The following SMOC1 variants were observed in gnomAD, a reference collection of about 807,000 sequenced individuals.
The protein encoded by SMOC1 is SPARC-related modular calcium-binding protein 1.
In SMOC1, 22 loss-of-function variants were observed where a neutral mutation model predicts 56.3. The observed-to-expected ratio is 0.39, with a 90% CI of 0.28 to 0.56. SMOC1 has a LOEUF of 0.56. SMOC1 is among the 20% of genes least tolerant of loss of function. The pLI is 0.61. For missense variants in SMOC1, 509 were observed against 565.4 expected, an observed-to-expected ratio of 0.90 and a Z score of 1.01; for synonymous variants, 193 against 215.0, an observed-to-expected ratio of 0.90 and a Z score of 0.89.
chr14:70,028,632 G>A (rs1219275080), intron 11 of SMOC1, among the ~76,000 whole-genome samples: 1 of 152,228 alleles, frequency 6.6e-6, no homozygotes, highest in Non-Finnish European at 1.5e-5. Context: ...TGGTGGGCAG[G>A]ACTGCTGTGC....
At chr14:69,898,354 C>T (rs566551132) in intron 1 of SMOC1, among the ~76,000 whole-genome samples, 1 of 152,242 alleles carries the variant, frequency 6.6e-6, no homozygotes, top group African/African-American at 2.4e-5. Context: ...TTCTCAGTCA[C>T]TATTGCTTCA....
intron 1 of SMOC1, among the ~76,000 whole-genome samples, chr14:69,916,122 T>C (rs1884680015): frequency 6.6e-6 from 1 of 152,224 alleles, no homozygotes; most frequent in African/African-American, 2.4e-5. Context: ...AGATTTTCCC[T>C]ACCAACCTTA....
intron 3 of SMOC1, among the ~76,000 whole-genome samples, chr14:69,956,146 A>G (rs1366655381): frequency 2.0e-5 from 3 of 152,218 alleles, no homozygotes; most frequent in African/African-American, 7.2e-5. Context: ...GAGTCCCTGA[A>G]GTTCAGCAAG....
At chr14:69,911,389 A>G (rs1840763705) in intron 1 of SMOC1, among the ~76,000 whole-genome samples, 1 of 152,234 alleles carries the variant, frequency 6.6e-6, no homozygotes, top group South Asian at 2.1e-4. Flanking sequence ...TAAATGCAAC[A>G]CAGTTTTTGG....
In SMOC1 at chr14:70,032,076, T is replaced by G. The variant is rs1336454663; in HGVS notation, c.*1818T>G. On this transcript the variant is annotated 3_prime_UTR_variant, in exon 12 of 12. Coordinates refer to ENST00000361956, the MANE Select transcript of SMOC1 (RefSeq NM_001034852.3). Reference sequence around the variant, plus strand: ...AATGACTGGTGGCCCTGCCCCAACGTGGAAAGGTGGGAAGGAAGCCTTCTC... The same window carrying G: ...AATGACTGGTGGCCCTGCCCCAACGGGGAAAGGTGGGAAGGAAGCCTTCTC... 1 of 152,276 alleles carries G rather than the reference T, an allele frequency of 6.6e-6. No individual in the cohort carries two copies. Among genetic ancestry groups the G allele is most frequent in the Non-Finnish European group, 1.5e-5 (1 of 68,100 alleles). The allele number at this position is 152,276 out of a possible 1,614,324, so 9.4% of individuals were successfully genotyped here.
chr14:70,017,714 A>G (rs1344882536), intron 10 of SMOC1, among the ~76,000 whole-genome samples: 1 of 152,210 alleles, frequency 6.6e-6, no homozygotes, highest in Non-Finnish European at 1.5e-5. Context: ...TATGAGCTCC[A>G]TGCTAGGTTC....
At position 69,974,308 on chromosome 14, in the gene SMOC1, G is replaced by A. The variant is rs564319940; in HGVS notation, c.379-1407G>A. On this transcript the variant is annotated intron_variant, in intron 3 of 11. Coordinates refer to ENST00000361956, the MANE Select transcript of SMOC1 (RefSeq NM_001034852.3). ...AGGCAGGGGAGGCTGGGACTGCTTT[G>A]AGGAGGTGTATCACAAAGGAGGAGG... is the stretch of plus-strand genomic sequence containing the variant. Among the ~76,000 whole-genome samples, 5 of 152,250 alleles carry A rather than the reference G, an allele frequency of 3.3e-5. 1 individual carries two copies. In the South Asian group the frequency reaches 1.0e-3, roughly 32 times the overall value.
chr14:70,000,933 C>T (rs537496756), intron 7 of SMOC1, among the ~76,000 whole-genome samples: 9 of 152,112 alleles, frequency 5.9e-5, no homozygotes, highest in South Asian at 2.1e-4. Context: ...ATGGGGTGGA[C>T]GGTGTTACTT....
chr14:70,021,360 C>T (rs1457197855), intron 10 of SMOC1, among the ~76,000 whole-genome samples: 1 of 152,150 alleles, frequency 6.6e-6, no homozygotes, highest in Non-Finnish European at 1.5e-5. Context: ...GTGAATATTG[C>T]AGGTAAAATA....
At chr14:69,990,089 T>A (rs571630331) in intron 5 of SMOC1, among the ~76,000 whole-genome samples, 1 of 152,324 alleles carries the variant, frequency 6.6e-6, no homozygotes, top group South Asian at 2.1e-4. Context: ...TCCCTGCAAG[T>A]GGCTTTATGC....
intron 7 of SMOC1, among the ~76,000 whole-genome samples, chr14:70,008,454 T>G (rs1221303343): frequency 6.6e-6 from 1 of 152,162 alleles, no homozygotes; most frequent in Non-Finnish European, 1.5e-5. Context: ...ATGATTTTAT[T>G]CTCCATGGAA....
rs990793064 is a variant in SMOC1, at chr14:69,919,303, C to T, written c.100-32835C>T. Among the ~76,000 whole-genome samples the T allele has an allele frequency of 7.2e-5, 11 of 152,164 alleles. No homozygotes were observed. The East Asian group carries it at 7.7e-4, about 11-fold the overall frequency. The stretch of plus-strand genomic sequence containing the variant: ...GGAGATGAAAAATAAAGCCCTGGGC[C>T]GCTCTCACAGCCCCTTTCCCTCGAT... On this transcript the variant is annotated intron_variant, in intron 1 of 11. Coordinates refer to ENST00000361956, the MANE Select transcript of SMOC1 (RefSeq NM_001034852.3).
intron 5 of SMOC1, among the ~76,000 whole-genome samples, chr14:69,991,218 G>A (rs1425323326): frequency 6.6e-6 from 1 of 152,150 alleles, no homozygotes; most frequent in Non-Finnish European, 1.5e-5. Flanking sequence ...GAGGGATGGT[G>A]TAATCATCAA....
At chr14:69,894,531 C>G (rs185285897) in intron 1 of SMOC1, among the ~76,000 whole-genome samples, 1 of 152,276 alleles carries the variant, frequency 6.6e-6, no homozygotes, top group Non-Finnish European at 1.5e-5. Flanking sequence ...ATCCTGTTAG[C>G]TTCTCCTGAC....
rs191303526 is a variant in SMOC1 at position 69,893,948 on chromosome 14, C to T, written c.99+14171C>T. On this transcript the variant is annotated intron_variant, in intron 1 of 11. Transcript: ENST00000361956. ...CAGAGAAAAACTAGGGACATGATTG[C>T]CATGTGATAAGGCAGCAAGAGGGTA... Among the ~76,000 whole-genome samples, 8 of 152,242 alleles carry T rather than the reference C, an allele frequency of 5.3e-5. No individual in the cohort carries two copies. In the East Asian group the frequency reaches 1.5e-3, roughly 29 times the overall value.
At chr14:69,919,388 G>A (rs143232495) in intron 1 of SMOC1, among the ~76,000 whole-genome samples, 54 of 152,262 alleles carry the variant, frequency 3.5e-4, no homozygotes, top group Middle Eastern at 3.4e-3. Context: ...CAAGGGGGAA[G>A]TTACTCTATT....
intron 7 of SMOC1, among the ~76,000 whole-genome samples, chr14:70,010,058 C>T (rs1885280855): frequency 6.6e-6 from 1 of 152,190 alleles, no homozygotes; most frequent in African/African-American, 2.4e-5. Flanking sequence ...CCAGGTTGGG[C>T]TGTTCAGACA....
At chr14:69,964,033 C>T in intron 3 of SMOC1, among the ~76,000 whole-genome samples, 1 of 152,214 alleles carries the variant, frequency 6.6e-6, no homozygotes, top group East Asian at 1.9e-4. Context: ...CTATCCCACT[C>T]TCTGCTCTGT....
intron 1 of SMOC1, among the ~76,000 whole-genome samples, chr14:69,948,505 AG>A (rs1882873541): frequency 6.6e-6 from 1 of 152,184 alleles, no homozygotes; most frequent in South Asian, 2.1e-4. Flanking sequence ...TCTCTGGCAC[AG>A]CTGCTGTGGC....
Sources: allele counts gnomAD v4.1 joint callset (sites outside exome capture counted in the v4.1 genomes callset), GRCh38; gene constraint gnomAD v4.1.1; transcripts MANE v1.5; gene names NCBI Gene and HGNC (gene_info 2026-07-23, HGNC 2026-07-21).